The following DPYD variants were observed in gnomAD, a reference collection of about 807,000 sequenced individuals.
DPYD encodes dihydropyrimidine dehydrogenase.
Under a neutral mutation model 116.2 loss-of-function variants are expected in DPYD, and 109 were observed. The observed-to-expected ratio is 0.94, with a 90% CI of 0.80 to 1.10. The LOEUF (loss-of-function observed/expected upper bound fraction) is 1.10. DPYD is among the 50% of genes least tolerant of loss of function. The pLI, the probability that DPYD is intolerant of heterozygous loss-of-function variation, is 0.00. For synonymous variants in DPYD, 440 were observed against 432.0 expected, an observed-to-expected ratio of 1.02 and a Z score of -0.23; for missense variants, 1,302 against 1,254.5, an observed-to-expected ratio of 1.04 and a Z score of -0.57.
intron 18 of DPYD, among the ~76,000 whole-genome samples, chr1:97,304,307 G>C (rs1364288691): frequency 6.6e-6 from 1 of 152,014 alleles, no homozygotes; most frequent in Non-Finnish European, 1.5e-5. Context: ...GATAGCTCCT[G>C]ATAAAAGCGA....
At chr1:97,382,568 T>C (rs1219936699) in intron 14 of DPYD, 107 bp from the exon 15 acceptor site, 7 of 622,686 alleles carry the variant, frequency 1.1e-5, no homozygotes, top group Non-Finnish European at 2.5e-6. Context: ...TATTATAAAA[T>C]TAGTTTTCAA....
rs11165797 is a variant in DPYD at position 97,163,278 on chromosome 1, T to A, written c.2622+29791A>T. Reference sequence around the variant, plus strand: ...AGAATCTACAATGAACTCCAACAAATTTACAAGAAAAAAACAAACAACCCC... The same window carrying A: ...AGAATCTACAATGAACTCCAACAAAATTACAAGAAAAAAACAAACAACCCC... On this transcript the variant is annotated intron_variant, in intron 20 of 22. Coordinates refer to ENST00000370192, the MANE Select transcript of DPYD (RefSeq NM_000110.4). 7.2e-5 allele frequency among the ~76,000 whole-genome samples: 11 copies of A among 151,994 alleles called. No homozygotes were observed. The East Asian group carries it at 2.1e-3, about 29-fold the overall frequency.
chr1:97,212,673 T>C (rs980117373), intron 19 of DPYD, among the ~76,000 whole-genome samples: 3 of 152,146 alleles, frequency 2.0e-5, no homozygotes, highest in Non-Finnish European at 2.9e-5. Flanking sequence ...TGCACCGTTT[T>C]ATATTCCAAC....
intron 18 of DPYD, among the ~76,000 whole-genome samples, chr1:97,298,910 C>G (rs1489182557): frequency 1.3e-5 from 2 of 152,184 alleles, no homozygotes; most frequent in East Asian, 3.9e-4. Flanking sequence ...TGGTTAAATT[C>G]ACAGCTCACT....
chr1:97,830,326 C>T (rs965965447), intron 2 of DPYD, among the ~76,000 whole-genome samples: 1 of 152,104 alleles, frequency 6.6e-6, no homozygotes, highest in African/African-American at 2.4e-5. Flanking sequence ...TTTTAAGGTC[C>T]ATTCCTAGCA....
At chr1:97,448,428 G>C (rs1000468349) in intron 14 of DPYD, among the ~76,000 whole-genome samples, 2 of 152,064 alleles carry the variant, frequency 1.3e-5, no homozygotes, top group Non-Finnish European at 2.9e-5. Flanking sequence ...TTATAAAGTT[G>C]TTCAAAAAGA....
intron 8 of DPYD, among the ~76,000 whole-genome samples, chr1:97,623,123 AG>A (rs2100775267): frequency 1.3e-5 from 2 of 152,218 alleles, no homozygotes; most frequent in African/African-American, 4.8e-5. Flanking sequence ...AGTTAGTCCA[AG>A]GATATTGGCA....
intron 21 of DPYD, among the ~76,000 whole-genome samples, chr1:97,090,706 G>T (rs1649840685): frequency 6.6e-6 from 1 of 152,096 alleles, no homozygotes. Context: ...TAGACTATGA[G>T]CTCCATAAGG....
At chr1:97,104,237 AAT>A (rs1650965382) in intron 20 of DPYD, among the ~76,000 whole-genome samples, 1 of 152,148 alleles carries the variant, frequency 6.6e-6, no homozygotes, top group African/African-American at 2.4e-5. Context: ...TGAATGAATG[AAT>A]ATCTTGAATA....
intron 20 of DPYD, among the ~76,000 whole-genome samples, chr1:97,173,346 A>G (rs1271832995): frequency 4.0e-5 from 6 of 150,120 alleles, no homozygotes; most frequent in East Asian, 2.0e-4. Context: ...GTATATATGC[A>G]CACATATATG....
At chr1:97,199,411 T>C (rs1440523731) in intron 19 of DPYD, among the ~76,000 whole-genome samples, 4 of 152,076 alleles carry the variant, frequency 2.6e-5, no homozygotes, top group Non-Finnish European at 5.9e-5. Flanking sequence ...AAAATGGAGA[T>C]TAAATACTTA....
At chr1:97,359,734 A>G (rs997226568) in intron 16 of DPYD, among the ~76,000 whole-genome samples, 7 of 152,174 alleles carry the variant, frequency 4.6e-5, no homozygotes, top group Non-Finnish European at 5.9e-5. Flanking sequence ...GGAGAAATAA[A>G]ATCCTTTACA....
intron 16 of DPYD, among the ~76,000 whole-genome samples, chr1:97,364,480 C>A (rs1215238119): frequency 6.6e-6 from 1 of 152,136 alleles, no homozygotes; most frequent in African/African-American, 2.4e-5. Flanking sequence ...TTTAAGACAT[C>A]TCAAAGACAG....
intron 3 of DPYD, among the ~76,000 whole-genome samples, chr1:97,789,031 T>C (rs1389197364): frequency 1.3e-5 from 2 of 152,116 alleles, no homozygotes; most frequent in African/African-American, 2.4e-5. Flanking sequence ...CTCAAACTGG[T>C]GAGCTCATGC....
chr1:97,661,606 A>G (rs1156512825), intron 8 of DPYD, among the ~76,000 whole-genome samples: 2 of 152,186 alleles, frequency 1.3e-5, no homozygotes, highest in African/African-American at 4.8e-5. Context: ...CCAGGAACAA[A>G]GCTCTATGGA....
intron 16 of DPYD, among the ~76,000 whole-genome samples, chr1:97,349,945 CAAAA>C (rs71939887): frequency 1.5e-5 from 2 of 134,736 alleles, no homozygotes; most frequent in Non-Finnish European, 3.1e-5. Context: ...TAAAAGAATC[CAAAA>C]AAAAAAAAAA....
At chr1:97,883,465 C>CCGTGTCTCAAA in intron 1 of DPYD, 91 bp from the exon 2 acceptor site, 1 of 976,466 alleles carries the variant, frequency 1.0e-6, no homozygotes, top group Non-Finnish European at 1.6e-6. Flanking sequence ...TATTTTGAGA[C>CCGTGTCTCAAA]ACGGTCTCTC....
At chr1:97,399,766 T>C (rs1392263761) in intron 14 of DPYD, among the ~76,000 whole-genome samples, 1 of 152,142 alleles carries the variant, frequency 6.6e-6, no homozygotes, top group Non-Finnish European at 1.5e-5. Context: ...TATTGGTGTT[T>C]AAGAATGCTT....
chr1:97,475,060 A>G (rs147123842), intron 13 of DPYD, among the ~76,000 whole-genome samples: 1 of 152,316 alleles, frequency 6.6e-6, no homozygotes, highest in Non-Finnish European at 1.5e-5. Context: ...TAATTTAAAC[A>G]GTATGGTTAT....
Sources: gnomAD v4.1 joint callset for allele counts (sites outside exome capture counted in the v4.1 genomes callset) on GRCh38, gnomAD v4.1.1 for gene constraint, MANE v1.5 for transcripts, NCBI Gene and HGNC (gene_info 2026-07-23, HGNC 2026-07-21) for gene names.